SOX5: variants seen among roughly 807,000 people sequenced by gnomAD.
SOX5 encodes the protein SRY-box transcription factor 5.
SOX5 carries 9 observed loss-of-function variants against 92.0 expected under a neutral mutation model. The observed-to-expected ratio is 0.10, with a 90% confidence interval of 0.06 to 0.17. SOX5 has a LOEUF of 0.17. SOX5 is among the 10% of genes least tolerant of loss of function. The probability of loss-of-function intolerance (pLI) is 1.00; values close to 1 mark genes in which losing one functional copy is unlikely to be tolerated. For missense variants in SOX5, 642 were observed against 944.5 expected (o/e 0.68, Z 4.20); for synonymous variants, 344 against 336.3 (o/e 1.02, Z -0.25).
chr12:24,177,340 A>G (rs976381817), intron 4 of SOX5, among the ~76,000 whole-genome samples: 1 of 152,120 alleles, frequency 6.6e-6, no homozygotes, highest in African/African-American at 2.4e-5. Flanking sequence ...TTTAACCACC[A>G]TATTTCTATG....
intron 3 of SOX5, among the ~76,000 whole-genome samples, chr12:23,802,126 T>G (rs2095670254): frequency 1.3e-5 from 2 of 152,212 alleles, no homozygotes; most frequent in African/African-American, 4.8e-5. Flanking sequence ...CAGGCTGGAG[T>G]GCAGTGGTGC....
At chr12:23,652,762 T>A (rs538498807) in intron 7 of SOX5, among the ~76,000 whole-genome samples, 4 of 152,022 alleles carry the variant, frequency 2.6e-5, no homozygotes, top group African/African-American at 9.7e-5. Context: ...TAGGTCTACA[T>A]GTCTTTCTAT....
At chr12:23,851,987 G>C (rs1266522451) in intron 2 of SOX5, among the ~76,000 whole-genome samples, 6 of 152,070 alleles carry the variant, frequency 3.9e-5, no homozygotes, top group African/African-American at 1.4e-4. Flanking sequence ...GTATGTAGTG[G>C]CCTAATCTAG....
chr12:23,544,526 C>A (rs1942752058), intron 12 of SOX5, among the ~76,000 whole-genome samples: 1 of 152,090 alleles, frequency 6.6e-6, no homozygotes, highest in African/African-American at 2.4e-5. Context: ...AATTTGGAGA[C>A]ACAGGAATCA....
At chr12:23,760,921 T>C (rs968620635) in intron 3 of SOX5, among the ~76,000 whole-genome samples, 4 of 152,162 alleles carry the variant, frequency 2.6e-5, no homozygotes. Context: ...CAGAGCTCAT[T>C]GAAAAATCGA....
intron 2 of SOX5, among the ~76,000 whole-genome samples, chr12:24,284,942 T>C (rs1399800810): frequency 6.6e-6 from 1 of 152,134 alleles, no homozygotes; most frequent in Non-Finnish European, 1.5e-5. Context: ...CTGACCAACA[T>C]GGTGAAACCC....
chr12:24,447,241 C>T (rs545413081), intron 1 of SOX5, among the ~76,000 whole-genome samples: 2 of 152,254 alleles, frequency 1.3e-5, no homozygotes, highest in Non-Finnish European at 2.9e-5. Context: ...AGGTTAGTGT[C>T]ATCAGCAATA....
At chr12:23,887,438 TTTAA>T (rs1380784885) in intron 2 of SOX5, among the ~76,000 whole-genome samples, 1 of 152,172 alleles carries the variant, frequency 6.6e-6, no homozygotes, top group Non-Finnish European at 1.5e-5. Flanking sequence ...CAAAGAAACT[TTTAA>T]TTATTTTTAA....
intron 3 of SOX5, among the ~76,000 whole-genome samples, chr12:23,839,810 G>A (rs1439628567): frequency 7.1e-6 from 1 of 139,994 alleles, no homozygotes; most frequent in Non-Finnish European, 1.5e-5. Context: ...GGAATAGAGT[G>A]AGGCCTTCTC....
At chr12:23,623,599 C>A (rs2077428696) in intron 8 of SOX5, among the ~76,000 whole-genome samples, 1 of 151,890 alleles carries the variant, frequency 6.6e-6, no homozygotes, top group Admixed American at 6.6e-5. Flanking sequence ...TATTACAAAG[C>A]AAATATTATC....
chr12:24,014,073 T>C (rs965538729), intron 4 of SOX5, among the ~76,000 whole-genome samples: 7 of 152,206 alleles, frequency 4.6e-5, no homozygotes, highest in African/African-American at 1.7e-4. Flanking sequence ...CCTTCGTGAC[T>C]TGTAGTTTTT....
chr12:24,202,901 C>T (rs1957665019), intron 4 of SOX5, among the ~76,000 whole-genome samples: 2 of 152,108 alleles, frequency 1.3e-5, no homozygotes, highest in Non-Finnish European at 2.9e-5. Context: ...TTACTACTTT[C>T]CTTTTATAAT....
intron 1 of SOX5, among the ~76,000 whole-genome samples, chr12:24,394,727 A>G (rs1018800559): frequency 1.3e-5 from 2 of 152,348 alleles, no homozygotes; most frequent in Middle Eastern, 3.4e-3. Context: ...TCAGTGTTCA[A>G]TAAGTGGCAA....
At chr12:23,555,354 G>A (rs1003392926) in intron 11 of SOX5, among the ~76,000 whole-genome samples, 4 of 151,992 alleles carry the variant, frequency 2.6e-5, no homozygotes, top group African/African-American at 7.3e-5. Flanking sequence ...CATGCCCTAT[G>A]AGTCTCATTT....
intron 2 of SOX5, among the ~76,000 whole-genome samples, chr12:24,328,932 C>T (rs534101798): frequency 6.0e-4 from 92 of 152,294 alleles, no homozygotes; most frequent in Non-Finnish European, 1.0e-3. Context: ...TGTAGTACTA[C>T]AGAAACATGC....
At chr12:23,860,487 A>C (rs1186476526) in intron 2 of SOX5, among the ~76,000 whole-genome samples, 1 of 152,140 alleles carries the variant, frequency 6.6e-6, no homozygotes, top group Non-Finnish European at 1.5e-5. Flanking sequence ...TAGCAAACAG[A>C]GATAATGTTT....
chr12:23,652,103 C>T (rs2081646652), intron 7 of SOX5, among the ~76,000 whole-genome samples: 2 of 152,002 alleles, frequency 1.3e-5, no homozygotes, highest in South Asian at 4.1e-4. Context: ...CCTTCTCCTA[C>T]TCTTTAGTTC....
At chr12:23,820,138 G>A (rs547320376) in intron 3 of SOX5, among the ~76,000 whole-genome samples, 1 of 152,104 alleles carries the variant, frequency 6.6e-6, no homozygotes, top group South Asian at 2.1e-4. Flanking sequence ...GGTGTGAGAT[G>A]GTATCTCATT....
At chr12:23,855,985 C>T (rs11047133) in intron 2 of SOX5, among the ~76,000 whole-genome samples, 7,670 of 151,750 alleles carry the variant, frequency 0.051, 862 homozygotes, top group East Asian at 0.46. Context: ...GTGAAAGAAG[C>T]CTTTAACATG....
Sources: gnomAD v4.1 joint callset for allele counts (sites outside exome capture counted in the v4.1 genomes callset) on GRCh38, gnomAD v4.1.1 for gene constraint, MANE v1.5 for transcripts, NCBI Gene and HGNC (gene_info 2026-07-23, HGNC 2026-07-21) for gene names.